CDH22: variants seen among roughly 807,000 people sequenced by gnomAD.
The protein encoded by CDH22 is cadherin-22.
CDH22 carries 30 observed loss-of-function variants against 58.4 expected under a neutral mutation model. That is an observed-to-expected ratio of 0.51 (90% CI 0.38 to 0.70). The LOEUF (loss-of-function observed/expected upper bound fraction) is 0.70, where lower values mean the gene tolerates loss of function less well. CDH22 is among the 30% of genes least tolerant of loss of function. The pLI, the probability that CDH22 is intolerant of heterozygous loss-of-function variation, is 0.00. For missense variants in CDH22, 1,014 were observed against 1,233.9 expected (o/e 0.82, Z 2.67); for synonymous variants, 513 against 558.2 (o/e 0.92, Z 1.14).
chr20:46,253,181 G>A (rs957936957), intron 1 of CDH22, among the ~76,000 whole-genome samples: 2 of 152,226 alleles, frequency 1.3e-5, no homozygotes, highest in African/African-American at 4.8e-5. Flanking sequence ...GCATCACAGT[G>A]GGCAATGCCC....
At chr20:46,307,510 A>G (rs1021881809) in intron 1 of CDH22, among the ~76,000 whole-genome samples, 8 of 152,088 alleles carry the variant, frequency 5.3e-5, no homozygotes, top group Non-Finnish European at 8.8e-5. Context: ...CCCAGCGGGG[A>G]CGGTGTCTCC....
At chr20:46,286,738 C>G (rs895950495) in intron 1 of CDH22, among the ~76,000 whole-genome samples, 1 of 152,132 alleles carries the variant, frequency 6.6e-6, no homozygotes, top group African/African-American at 2.4e-5. Context: ...GGGAAGGACC[C>G]CACCTCTGGT....
At chr20:46,269,846 T>G (rs1410558344) in intron 1 of CDH22, among the ~76,000 whole-genome samples, 1 of 152,152 alleles carries the variant, frequency 6.6e-6, no homozygotes. Context: ...CTCAGGGACT[T>G]CCAGCCTTGT....
intron 1 of CDH22, among the ~76,000 whole-genome samples, chr20:46,304,995 C>T (rs1178844902): frequency 6.6e-6 from 1 of 152,210 alleles, no homozygotes; most frequent in Admixed American, 6.5e-5. Flanking sequence ...CCGCTCTCCT[C>T]CTGCATTAAA....
intron 1 of CDH22, among the ~76,000 whole-genome samples, chr20:46,254,908 T>C (rs2086398940): frequency 6.6e-6 from 1 of 152,188 alleles, no homozygotes. Flanking sequence ...AAGTGCAGGA[T>C]GCATCTGGAC....
chr20:46,227,378 G>A, intron 4 of CDH22, 130 bp downstream of exon 4: 3 of 858,462 alleles, frequency 3.5e-6, no homozygotes, highest in South Asian at 1.6e-5. Flanking sequence ...CTGTGCACAA[G>A]GTGCCCCCTG....
intron 11 of CDH22, among the ~76,000 whole-genome samples, chr20:46,176,049 T>A (rs182109281): frequency 2.6e-4 from 40 of 152,322 alleles, no homozygotes; most frequent in Non-Finnish European, 5.4e-4. Flanking sequence ...TTTCTTCACT[T>A]GATTTCCAGG....
chr20:46,282,612 C>A (rs1001671142), intron 1 of CDH22, among the ~76,000 whole-genome samples: 1 of 152,008 alleles, frequency 6.6e-6, no homozygotes, highest in African/African-American at 2.4e-5. Flanking sequence ...AAATGCAGTG[C>A]GAATTGGGTT....
At chr20:46,218,407 A>G (rs529833940) in intron 4 of CDH22, among the ~76,000 whole-genome samples, 15 of 152,344 alleles carry the variant, frequency 9.8e-5, no homozygotes, top group Middle Eastern at 3.4e-3. Context: ...CACACAGCCC[A>G]GAGCCAGGCA....
At chr20:46,200,524 C>G (rs2085952264) in intron 7 of CDH22, among the ~76,000 whole-genome samples, 1 of 150,244 alleles carries the variant, frequency 6.7e-6, no homozygotes, top group Non-Finnish European at 1.5e-5. Context: ...TCAAGCGATC[C>G]GCTCGCCTTG....
chr20:46,264,867 C>CGT (rs2086450769), intron 1 of CDH22, among the ~76,000 whole-genome samples: 5 of 148,188 alleles, frequency 3.4e-5, no homozygotes, highest in South Asian at 2.1e-4. Context: ...ACACACACAC[C>CGT]GTGCGCACAC....
At chr20:46,261,858 C>T (rs761657032) in intron 1 of CDH22, among the ~76,000 whole-genome samples, 6 of 152,158 alleles carry the variant, frequency 3.9e-5, no homozygotes, top group African/African-American at 1.2e-4. Context: ...TTTGTCTCTG[C>T]TCACCTCTCA....
chr20:46,266,653 A>G (rs149985193), intron 1 of CDH22, among the ~76,000 whole-genome samples: 86 of 152,316 alleles, frequency 5.6e-4, no homozygotes, highest in African/African-American at 1.9e-3. Context: ...GTACGGGAGA[A>G]AGCTCTCTAG....
chr20:46,221,128 G>T (rs1402381168), intron 4 of CDH22, among the ~76,000 whole-genome samples: 2 of 152,222 alleles, frequency 1.3e-5, no homozygotes, highest in Admixed American at 6.5e-5. Flanking sequence ...AGTCCTGCCA[G>T]CTGTCCCAGT....
chr20:46,299,986 G>T (rs756709048), intron 1 of CDH22, among the ~76,000 whole-genome samples: 18 of 152,180 alleles, frequency 1.2e-4, no homozygotes, highest in Non-Finnish European at 2.2e-4. Context: ...TTCTCTTCAA[G>T]CCATTTGAAT....
rs374476897 is a variant in CDH22 at position 46,286,131 on chromosome 20, TTATGGAGCACTTACTG to T, written c.-400+22108_-400+22123del. Among the ~76,000 whole-genome samples the T allele has an allele frequency of 3.4e-3, 521 of 152,206 alleles. 8 individuals are homozygous for T. Among genetic ancestry groups the T allele is most frequent in the Admixed American group, 0.021 (319 of 15,306 alleles). ...AGAGAAAGGGGAGAAAACTAAGACA[TTATGGAGCACTTACTG>T]TATGCTTTTCATGGGATCTTCCTGT... On this transcript the variant is annotated intron_variant, in intron 1 of 11. Transcript: ENST00000537909.
chr20:46,188,597 G>A (rs112901739), intron 8 of CDH22, among the ~76,000 whole-genome samples: 34 of 152,308 alleles, frequency 2.2e-4, no homozygotes, highest in African/African-American at 7.9e-4. Context: ...TGTACAACAC[G>A]TAGCAAGTGC....
In CDH22 at chr20:46,251,570, A is replaced by T; in HGVS notation, c.-276T>A. 3.7e-6 allele frequency: 1 copy of T among 266,772 alleles called. No homozygotes were observed. The highest frequency in any genetic ancestry group is 6.9e-6 in the Non-Finnish European group (1 of 144,200). 16.5% of individuals were successfully genotyped at this position (266,772 alleles called of 1,614,324 possible). A position where few individuals can be genotyped will look rare whatever the true frequency, so the allele number is the denominator to read the frequency against. ...GCCCCCGTCGCCGCGTCGCGTGCGG[A>T]TCACCAGGCAGCACCTGGACAGCTC... On this transcript the variant is annotated 5_prime_UTR_variant, in exon 2 of 12. Coordinates refer to ENST00000537909, the MANE Select transcript of CDH22 (RefSeq NM_021248.3). The surrounding 1 kb of genome is among the most constrained non-coding windows in gnomAD (Gnocchi z 6.7).
intron 1 of CDH22, among the ~76,000 whole-genome samples, chr20:46,295,206 T>C (rs929845508): frequency 1.3e-5 from 2 of 152,138 alleles, no homozygotes; most frequent in Non-Finnish European, 2.9e-5. Flanking sequence ...GGCCCAGACT[T>C]CTCCAAATGA....
Sources: gnomAD v4.1 joint callset for allele counts (sites outside exome capture counted in the v4.1 genomes callset) on GRCh38, gnomAD v4.1.1 for gene constraint, Gnocchi (gnomAD v3.1) non-coding constraint, MANE v1.5 for transcripts, NCBI Gene and HGNC (gene_info 2026-07-23, HGNC 2026-07-21) for gene names.